Variants in PCLO observed in about 807,000 individuals in gnomAD.
PCLO encodes the protein piccolo presynaptic cytomatrix protein.
A neutral mutation model predicts 427.5 loss-of-function variants in PCLO; 82 were observed. That is an observed-to-expected ratio of 0.19 (90% CI 0.16 to 0.23). The LOEUF is 0.23. PCLO is among the 10% of genes least tolerant of loss of function. The pLI is 1.00. For synonymous variants in PCLO, 2,357 were observed against 2,155.4 expected (o/e 1.09, Z -2.59); for missense variants, 6,239 against 6,115.9 (o/e 1.02, Z -0.67).
chr7:82,827,144 G>T (rs1445745224), intron 17 of PCLO, among the ~76,000 whole-genome samples: 2 of 152,084 alleles, frequency 1.3e-5, no homozygotes, highest in Middle Eastern at 3.4e-3. Flanking sequence ...TCTTTGTAAT[G>T]AAATTAATCT....
chr7:82,978,173 C>A (rs1163124937), intron 3 of PCLO, among the ~76,000 whole-genome samples: 1 of 150,274 alleles, frequency 6.7e-6, no homozygotes, highest in Non-Finnish European at 1.5e-5. Flanking sequence ...CCCCCACCCC[C>A]CCGGCAAAAA....
At position 82,966,063 on chromosome 7, in the gene PCLO, G is replaced by T. The variant is rs770856920; in HGVS notation, c.3725C>A (p.Thr1242Asn). The T allele has an allele frequency of 2.2e-5, 36 of 1,613,106 alleles. No homozygotes were observed. In the Middle Eastern group the frequency reaches 8.2e-4, roughly 37 times the overall value. Residue 1242 changes from threonine to asparagine, a missense_variant, in exon 4 of 25, where the codon ACC (threonine) becomes AAC (asparagine). Transcript: ENST00000333891. ...KKPLLEEKKP[T>N]PEDKKLLPEA... The stretch of plus-strand genomic sequence containing the variant: ...TGGGAGTAGCTTTTTGTCTTCAGGG[G>T]TTGGCTTTTTTTCTTCTAGGAGTGG...
At chr7:83,107,037 C>A (rs1790874859) in intron 3 of PCLO, among the ~76,000 whole-genome samples, 1 of 152,042 alleles carries the variant, frequency 6.6e-6, no homozygotes, top group African/African-American at 2.4e-5. Flanking sequence ...TGGATTTTTA[C>A]CTATCTCTTT....
At chr7:82,758,799 A>C (rs887523426) in intron 24 of PCLO, 84 bp from the exon 25 acceptor site, 1 of 806,220 alleles carries the variant, frequency 1.2e-6, no homozygotes, top group South Asian at 1.8e-5. Flanking sequence ...AAGGACATTT[A>C]ATCATCAAAG....
chr7:82,931,388 C>T (rs537697444), intron 6 of PCLO, among the ~76,000 whole-genome samples: 3 of 152,186 alleles, frequency 2.0e-5, no homozygotes, highest in Non-Finnish European at 4.4e-5. Context: ...CAAATCACCT[C>T]AAAATTTAGT....
chr7:83,050,208 G>GAAA (rs556193471), intron 3 of PCLO, among the ~76,000 whole-genome samples: 1 of 5,456 alleles, frequency 1.8e-4, no homozygotes, highest in Non-Finnish European at 3.6e-4. Context: ...CTGAAAAACT[G>GAAA]AAAAAAAAAA....
chr7:83,037,062 A>G (rs370528465), intron 3 of PCLO, among the ~76,000 whole-genome samples: 4 of 152,254 alleles, frequency 2.6e-5, no homozygotes, highest in South Asian at 2.1e-4. Context: ...ATAACTATTC[A>G]TTTTGGGAAA....
chr7:83,155,679 T>C lies in PCLO; in HGVS notation c.962A>G (p.His321Arg), dbSNP rs139392690. The C allele has an allele frequency of 4.3e-4, 689 of 1,613,640 alleles. 2 individuals carry two copies. The African/African-American group carries it at 7.0e-3, about 16-fold the overall frequency. The change falls in exon 2 of 25, where the codon CAT (histidine) becomes CGT (arginine). Residue 321 changes from histidine (H) to arginine (R), a missense_variant. His to Arg is a conservative substitution (Grantham distance 29). Around this residue, in one of 5 missense-constraint regions of PCLO, gnomAD observed 4,677 missense variants for 4,468.4 expected, o/e 1.05. Coordinates refer to ENST00000333891, the MANE Select transcript of PCLO (RefSeq NM_033026.6). The part of the protein sequence containing the change: ...PGKPPAQQPG[H>R]EKSQPGPAKP... ...TGCAGGCCCAGGCTGTGATTTTTCA[T>C]GTCCAGGCTGCTGTGCTGGAGGTTT...
At chr7:82,851,290 T>G (rs931143964) in intron 10 of PCLO, among the ~76,000 whole-genome samples, 1 of 151,356 alleles carries the variant, frequency 6.6e-6, no homozygotes, top group Non-Finnish European at 1.5e-5. Flanking sequence ...ACGCTCACGA[T>G]GAAAATACTT....
chr7:82,909,416 A>G (rs1166444588), intron 7 of PCLO, among the ~76,000 whole-genome samples: 1 of 151,898 alleles, frequency 6.6e-6, no homozygotes, highest in Non-Finnish European at 1.5e-5. Flanking sequence ...TCTCCCCACA[A>G]CCCACTAGAA....
chr7:82,904,285 TTGTC>T (rs1220612270), intron 8 of PCLO, among the ~76,000 whole-genome samples: 7 of 151,796 alleles, frequency 4.6e-5, no homozygotes, highest in Non-Finnish European at 7.4e-5. Context: ...TCTATCTCTT[TTGTC>T]TGTCTCTCAG....
At chr7:82,876,528 C>G (rs2116025889) in intron 10 of PCLO, among the ~76,000 whole-genome samples, 2 of 150,744 alleles carry the variant, frequency 1.3e-5, no homozygotes, top group East Asian at 1.9e-4. Flanking sequence ...CTGGTCTAAA[C>G]CAGGTGAATA....
chr7:82,778,284 T>C (rs1342736751), intron 22 of PCLO, among the ~76,000 whole-genome samples: 1 of 152,182 alleles, frequency 6.6e-6, no homozygotes, highest in East Asian at 1.9e-4. Flanking sequence ...GGCAAGGTTG[T>C]GGAGAAAAGA....
At chr7:82,983,476 A>C (rs893361799) in intron 3 of PCLO, among the ~76,000 whole-genome samples, 1 of 150,912 alleles carries the variant, frequency 6.6e-6, no homozygotes, top group African/African-American at 2.4e-5. Context: ...TAATTTGTTA[A>C]GAATTAGAAA....
At chr7:82,929,112 T>C (rs947562329) in intron 6 of PCLO, among the ~76,000 whole-genome samples, 2 of 152,054 alleles carry the variant, frequency 1.3e-5, no homozygotes, top group Non-Finnish European at 2.9e-5. Flanking sequence ...GGGAAGTAAT[T>C]GAGGACATAT....
Position 82,895,375 on chromosome 7 carries a change from G to A in PCLO, c.13528+7276C>T, listed in dbSNP as rs889860809. Among the ~76,000 whole-genome samples, 6 of 151,936 alleles carry A rather than the reference G, an allele frequency of 3.9e-5. No individual in the cohort carries two copies. The South Asian group carries it at 1.2e-3, about 32-fold the overall frequency. ...AATGTCTATGTCACAAAACAAGAAA[G>A]CTCTCCAACTAATAAACTAACTTTT... On this transcript the variant is annotated intron_variant, in intron 9 of 24. Coordinates refer to ENST00000333891, the MANE Select transcript of PCLO (RefSeq NM_033026.6).
chr7:82,950,425 G>A lies in PCLO; in HGVS notation c.10163C>T (p.Pro3388Leu). ...SDGVTQYIAPPGILSTVSEIP... is the reference protein window; with the variant it reads ...SDGVTQYIAPLGILSTVSEIP... Reference sequence around the variant, plus strand: ...TTCTGAAACAGTGCTCAGGATACCAGGTGGGGCAATGTACTGAGTAACACC... The same window carrying A: ...TTCTGAAACAGTGCTCAGGATACCAAGTGGGGCAATGTACTGAGTAACACC... Residue 3388 changes from proline (P) to leucine (L), a missense_variant, in exon 6 of 25, where the codon CCT becomes CTT. Pro to Leu is a moderately conservative substitution (Grantham distance 98). Coordinates refer to ENST00000333891, the MANE Select transcript of PCLO (RefSeq NM_033026.6). 1 of 1,613,772 alleles carries A rather than the reference G, an allele frequency of 6.2e-7. No individual in the cohort carries two copies. Among genetic ancestry groups the A allele is most frequent in the Non-Finnish European group, 8.5e-7 (1 of 1,179,836 alleles).
At position 82,884,473 on chromosome 7, in the gene PCLO, A is replaced by C. The variant is rs1323413159; in HGVS notation, c.13529-5011T>G. Among the ~76,000 whole-genome samples, 4 of 152,312 alleles carry C rather than the reference A, an allele frequency of 2.6e-5. 1 individual carries two copies. In the East Asian group the frequency reaches 5.8e-4, roughly 22 times the overall value. ...ACTTGGAATAATTCCTACCAAGAAAATTTGTCAGGACTGCCACATTCACAA... is the reference window on the plus strand; with the variant it reads ...ACTTGGAATAATTCCTACCAAGAAACTTTGTCAGGACTGCCACATTCACAA... On this transcript the variant is annotated intron_variant, in intron 9 of 24. Coordinates refer to ENST00000333891, the MANE Select transcript of PCLO (RefSeq NM_033026.6).
intron 9 of PCLO, among the ~76,000 whole-genome samples, chr7:82,896,749 GTC>G (rs1793914358): frequency 1.3e-5 from 2 of 151,602 alleles, no homozygotes; most frequent in East Asian, 3.9e-4. Context: ...GTTCTAATTT[GTC>G]TCTGTTTCTA....
Sources: gnomAD v4.1 joint callset for allele counts (sites outside exome capture counted in the v4.1 genomes callset) on GRCh38, gnomAD v4.1.1 for gene constraint, gnomAD v4.1.1 regional missense constraint, MANE v1.5 for transcripts, NCBI Gene and HGNC (gene_info 2026-07-23, HGNC 2026-07-21) for gene names.